MAGI2: variants seen among roughly 807,000 people sequenced by gnomAD.
MAGI2 encodes the protein membrane associated guanylate kinase, WW and PDZ domain containing 2.
In MAGI2, 35 loss-of-function variants were observed where a neutral mutation model predicts 133.3. The ratio of observed to expected loss-of-function variants is 0.26; its 90% CI spans 0.20 to 0.35. The LOEUF is 0.35. MAGI2 is among the 10% of genes least tolerant of loss of function. The pLI, the probability that MAGI2 is intolerant of heterozygous loss-of-function variation, is 1.00. For missense variants in MAGI2, 1,636 were observed against 1,863.4 expected, an observed-to-expected ratio of 0.88 and a Z score of 2.25; for synonymous variants, 729 against 710.6, an observed-to-expected ratio of 1.03 and a Z score of -0.41.
chr7:78,431,216 T>C (rs1049450236), intron 6 of MAGI2, among the ~76,000 whole-genome samples: 2 of 152,012 alleles, frequency 1.3e-5, no homozygotes, highest in East Asian at 3.9e-4. Flanking sequence ...TTTAGGAAAA[T>C]ATGTATGTGA....
intron 5 of MAGI2, among the ~76,000 whole-genome samples, chr7:78,499,821 C>T (rs1224212055): frequency 1.3e-5 from 2 of 152,132 alleles, no homozygotes; most frequent in Non-Finnish European, 2.9e-5. Context: ...TTGTTCTGAA[C>T]ATCTATTTGT....
intron 6 of MAGI2, among the ~76,000 whole-genome samples, chr7:78,438,424 A>T (rs1787269256): frequency 6.6e-6 from 1 of 152,122 alleles, no homozygotes; most frequent in Non-Finnish European, 1.5e-5. Context: ...TAATATATGA[A>T]TCTGGTACGA....
chr7:79,326,027 C>A (rs568187776), intron 1 of MAGI2, among the ~76,000 whole-genome samples: 3 of 151,982 alleles, frequency 2.0e-5, no homozygotes, highest in Non-Finnish European at 4.4e-5. Context: ...AAATAAGCAC[C>A]GAATAAGAAA....
intron 10 of MAGI2, among the ~76,000 whole-genome samples, chr7:78,242,978 G>T (rs1380946482): frequency 6.6e-6 from 1 of 152,008 alleles, no homozygotes; most frequent in East Asian, 1.9e-4. Context: ...AGGCTGAGGT[G>T]GGGGGATCGC....
chr7:78,162,935 T>A (rs377154413), intron 15 of MAGI2, among the ~76,000 whole-genome samples: 4 of 152,292 alleles, frequency 2.6e-5, no homozygotes, highest in Admixed American at 1.3e-4. Context: ...TCTTTCCTAC[T>A]GTAGGGCATT....
In MAGI2 at chr7:78,442,623, C is replaced by T. The variant is rs138627513; in HGVS notation, c.1045+47138G>A. Among the ~76,000 whole-genome samples the T allele has an allele frequency of 7.2e-5, 11 of 152,270 alleles. No individual in the cohort carries two copies. The East Asian group carries it at 2.1e-3, about 29-fold the overall frequency. On this transcript the variant is annotated intron_variant, in intron 6 of 21. Coordinates refer to ENST00000354212, the MANE Select transcript of MAGI2 (RefSeq NM_012301.4). Reference sequence around the variant, plus strand: ...TTTAGGAAGTTTGGCAAATATGATGCAGTGTAACTTGTAATATTTATTTGC... The same window carrying T: ...TTTAGGAAGTTTGGCAAATATGATGTAGTGTAACTTGTAATATTTATTTGC...
chr7:79,378,967 T>TATAC (rs1843587071), intron 1 of MAGI2, among the ~76,000 whole-genome samples: 5 of 94,690 alleles, frequency 5.3e-5, no homozygotes, highest in Admixed American at 3.1e-4. Context: ...TATATATATA[T>TATAC]ATATTAAACT....
chr7:78,272,447 C>T (rs1327279483), intron 9 of MAGI2, among the ~76,000 whole-genome samples: 1 of 152,138 alleles, frequency 6.6e-6, no homozygotes, highest in East Asian at 1.9e-4. Context: ...CTGTAGATGT[C>T]TATTAGGTCT....
intron 3 of MAGI2, among the ~76,000 whole-genome samples, chr7:78,592,677 T>C (rs1400155932): frequency 6.6e-6 from 1 of 152,064 alleles, no homozygotes; most frequent in Non-Finnish European, 1.5e-5. Context: ...GTCTAAGCAA[T>C]GAACAGATGC....
chr7:79,064,335 T>G (rs536070329), intron 1 of MAGI2, among the ~76,000 whole-genome samples: 2 of 152,186 alleles, frequency 1.3e-5, no homozygotes, highest in South Asian at 2.1e-4. Flanking sequence ...CATGTGGTTA[T>G]TCCCTCTTCC....
chr7:79,321,684 C>A (rs1367408464), intron 1 of MAGI2, among the ~76,000 whole-genome samples: 1 of 152,118 alleles, frequency 6.6e-6, no homozygotes. Context: ...TATTAGTTGT[C>A]CTTTTTCAAT....
intron 1 of MAGI2, among the ~76,000 whole-genome samples, chr7:79,341,556 G>A (rs1840906198): frequency 6.6e-6 from 1 of 152,130 alleles, no homozygotes; most frequent in South Asian, 2.1e-4. Context: ...AATAAAAAGA[G>A]GCCATATTTT....
chr7:78,772,221 G>A (rs1825652870), intron 2 of MAGI2, among the ~76,000 whole-genome samples: 1 of 152,170 alleles, frequency 6.6e-6, no homozygotes, highest in African/African-American at 2.4e-5. Flanking sequence ...TACGTAATCT[G>A]CTGTTAGGAA....
chr7:78,200,317 A>AT (rs1490502625), intron 11 of MAGI2, among the ~76,000 whole-genome samples: 1 of 152,204 alleles, frequency 6.6e-6, no homozygotes, highest in Non-Finnish European at 1.5e-5. Flanking sequence ...AATAGTTTCA[A>AT]TCTATCTGCA....
intron 1 of MAGI2, among the ~76,000 whole-genome samples, chr7:79,292,635 A>G (rs1190231267): frequency 6.6e-6 from 1 of 150,844 alleles, no homozygotes; most frequent in African/African-American, 2.4e-5. Flanking sequence ...CCTGCCACCA[A>G]AAAAAAATAA....
intron 2 of MAGI2, among the ~76,000 whole-genome samples, chr7:78,732,468 T>C (rs972536671): frequency 1.3e-5 from 2 of 152,160 alleles, no homozygotes; most frequent in Non-Finnish European, 2.9e-5. Context: ...AACTAACTCG[T>C]AACTGCTCTG....
intron 3 of MAGI2, among the ~76,000 whole-genome samples, chr7:78,563,761 T>A (rs897253108): frequency 1.3e-5 from 2 of 152,170 alleles, no homozygotes; most frequent in African/African-American, 4.8e-5. Context: ...CTATGTCAAG[T>A]CCAATCTCCA....
At chr7:78,454,542 T>C (rs927728066) in intron 6 of MAGI2, among the ~76,000 whole-genome samples, 2 of 152,204 alleles carry the variant, frequency 1.3e-5, no homozygotes, top group African/African-American at 4.8e-5. Context: ...GGTCTTATCA[T>C]ATGATCCAGC....
chr7:79,002,669 A>G (rs927603969), intron 2 of MAGI2, among the ~76,000 whole-genome samples: 2 of 151,994 alleles, frequency 1.3e-5, no homozygotes, highest in African/African-American at 4.8e-5. Flanking sequence ...CTCAACATTT[A>G]CAGGCTTCAA....
Sources: allele counts gnomAD v4.1 joint callset (sites outside exome capture counted in the v4.1 genomes callset), GRCh38; gene constraint gnomAD v4.1.1; transcripts MANE v1.5; gene names NCBI Gene and HGNC (gene_info 2026-07-23, HGNC 2026-07-21).